PCDH11Y: variants seen among roughly 807,000 people sequenced by gnomAD.
The protein encoded by PCDH11Y is protocadherin-11 Y-linked.
For synonymous variants in PCDH11Y, 9 were observed against 83.6 expected (o/e 0.11, Z 4.87); for missense variants, 12 against 224.8 (o/e 0.05, Z 6.05).
chrY:5,619,588 G>A (rs2053497761), intron 4 of PCDH11Y, among the ~76,000 whole-genome samples: 1 of 32,231 alleles, frequency 3.1e-5, no homozygotes, highest in African/African-American at 1.2e-4. Flanking sequence ...TATATTTCCA[G>A]TTGGTTTTCT....
intron 2 of PCDH11Y, among the ~76,000 whole-genome samples, chrY:5,307,337 G>A (rs2053091750): frequency 6.0e-5 from 2 of 33,275 alleles, no homozygotes; most frequent in Non-Finnish European, 1.5e-4. Context: ...ATGATGGCAT[G>A]TACTATCAAT....
intron 3 of PCDH11Y, among the ~76,000 whole-genome samples, chrY:5,580,480 A>G (rs2053449860): frequency 3.1e-5 from 1 of 32,573 alleles, no homozygotes; most frequent in South Asian, 6.7e-4. Context: ...ATACAAAATT[A>G]GAGTGATTCT....
chrY:5,496,486 A>G (rs2124687429), intron 2 of PCDH11Y, among the ~76,000 whole-genome samples: 1 of 32,998 alleles, frequency 3.0e-5, no homozygotes, highest in African/African-American at 1.2e-4. Context: ...AGGGTTAAGT[A>G]GTTGAGAAAG....
exon 5 of PCDH11Y, chrY:5,739,230 A>G (rs1602966116): frequency 2.1e-4 from 7 of 32,839 alleles, no homozygotes; most frequent in African/African-American, 3.5e-4. Context: ...AACCATCAAA[A>G]TCTCATATAT....
chrY:5,615,970 C>T, intron 4 of PCDH11Y, among the ~76,000 whole-genome samples: 1 of 33,719 alleles, frequency 3.0e-5, no homozygotes, highest in African/African-American at 1.2e-4. Context: ...TGTTATACCG[C>T]AGGTATGTTA....
chrY:5,199,507 T>G (rs2124649695), intron 2 of PCDH11Y, among the ~76,000 whole-genome samples: 14 of 32,208 alleles, frequency 4.3e-4, no homozygotes, highest in African/African-American at 1.7e-3. Flanking sequence ...GGCTGGTCTC[T>G]CACTCCTGAA....
At chrY:5,486,750 TA>T (rs2053332762) in intron 2 of PCDH11Y, among the ~76,000 whole-genome samples, 5 of 11,125 alleles carry the variant, frequency 4.5e-4, no homozygotes, top group African/African-American at 5.7e-4. Context: ...TATATATATA[TA>T]TTTTTTTTTT....
chrY:5,243,332 C>T, intron 2 of PCDH11Y, among the ~76,000 whole-genome samples: 3 of 33,068 alleles, frequency 9.1e-5, no homozygotes, highest in Non-Finnish European at 2.2e-4. Flanking sequence ...CACACATTGC[C>T]CATTGAAAAT....
At chrY:5,495,565 A>G in intron 2 of PCDH11Y, among the ~76,000 whole-genome samples, 1 of 33,368 alleles carries the variant, frequency 3.0e-5, no homozygotes, top group Middle Eastern at 0.014. Flanking sequence ...GAAAGTAATG[A>G]CCCTACATAT....
chrY:5,147,657 A>T, intron 2 of PCDH11Y, among the ~76,000 whole-genome samples: 2 of 33,162 alleles, frequency 6.0e-5, no homozygotes, highest in Non-Finnish European at 1.5e-4. Flanking sequence ...AGGACATGGA[A>T]AGTCGCTAAT....
intron 2 of PCDH11Y, among the ~76,000 whole-genome samples, chrY:5,372,121 TA>T: frequency 3.0e-5 from 1 of 33,255 alleles, no homozygotes; most frequent in African/African-American, 1.2e-4. Flanking sequence ...ACTGTCCAAC[TA>T]TGTAAAATGT....
chrY:5,663,925 T>C, intron 4 of PCDH11Y, among the ~76,000 whole-genome samples: 4 of 31,269 alleles, frequency 1.3e-4, no homozygotes, highest in African/African-American at 5.0e-4. Flanking sequence ...TAAAATCAGA[T>C]ATTCTCAGGC....
intron 2 of PCDH11Y, among the ~76,000 whole-genome samples, chrY:5,384,442 C>G: frequency 3.4e-5 from 1 of 29,413 alleles, no homozygotes; most frequent in Non-Finnish European, 8.1e-5. Context: ...TGAGTAACGG[C>G]CAGTATAGTT....
At chrY:5,199,197 G>A in intron 2 of PCDH11Y, among the ~76,000 whole-genome samples, 1 of 31,364 alleles carries the variant, frequency 3.2e-5, no homozygotes, top group South Asian at 7.4e-4. Flanking sequence ...GGCCTTATAA[G>A]AAGCTACAAT....
At chrY:5,365,291 A>G in intron 2 of PCDH11Y, among the ~76,000 whole-genome samples, 1 of 32,676 alleles carries the variant, frequency 3.1e-5, no homozygotes. Context: ...CTGCCAACCC[A>G]CTTATAGCAA....
At chrY:5,391,530 G>A in intron 2 of PCDH11Y, among the ~76,000 whole-genome samples, 2 of 31,609 alleles carry the variant, frequency 6.3e-5, no homozygotes, top group Non-Finnish European at 1.5e-4. Flanking sequence ...CCAGTAGTTG[G>A]AGACCAGCCC....
intron 4 of PCDH11Y, among the ~76,000 whole-genome samples, chrY:5,680,997 T>A: frequency 6.2e-5 from 2 of 32,420 alleles, no homozygotes; most frequent in African/African-American, 2.4e-4. Context: ...ATAAGAAGGT[T>A]ACAGAGCACC....
intron 1 of PCDH11Y, among the ~76,000 whole-genome samples, chrY:5,018,326 A>G (rs2052563820): frequency 1.5e-3 from 39 of 25,961 alleles, no homozygotes; most frequent in Non-Finnish European, 7.2e-4. Context: ...AAAATTATAG[A>G]TGGCTTGTGA....
chrY:5,636,265 A>G, intron 4 of PCDH11Y, among the ~76,000 whole-genome samples: 1 of 33,866 alleles, frequency 3.0e-5, no homozygotes, highest in Non-Finnish European at 7.4e-5. Context: ...ACAGTACCCA[A>G]TATTTTATTA....
Sources: allele counts gnomAD v4.1 joint callset (sites outside exome capture counted in the v4.1 genomes callset), GRCh38; gene constraint gnomAD v4.1.1; transcripts MANE v1.5; gene names NCBI Gene and HGNC (gene_info 2026-07-23, HGNC 2026-07-21).